The following DCAF7 variants were observed in gnomAD, a reference collection of about 807,000 sequenced individuals.
DCAF7 encodes the protein DDB1- and CUL4-associated factor 7.
Under a neutral mutation model 41.2 loss-of-function variants are expected in DCAF7, and 4 were observed. That is an observed-to-expected ratio of 0.10 (90% CI 0.05 to 0.22). The LOEUF (loss-of-function observed/expected upper bound fraction) is 0.22. Ranked by LOEUF, DCAF7 falls within the 10% of genes least tolerant of loss-of-function variation. The pLI is 1.00. For synonymous variants in DCAF7, 143 were observed against 164.2 expected (o/e 0.87, Z 0.99); for missense variants, 131 against 443.2 (o/e 0.30, Z 6.32).
Position 63,589,413 on chromosome 17 carries a change from C to A in DCAF7, c.*241C>A. 1.7e-6 allele frequency: 1 copy of A among 584,426 alleles called. No individual in the cohort carries two copies. Among genetic ancestry groups the A allele is most frequent in the South Asian group, 1.7e-5 (1 of 59,090 alleles). The allele number at this position is 584,426 out of a possible 1,614,324, so 36.2% of individuals were successfully genotyped here. ...GAGTTTTAAGATTTTCTCTCCTTTC[C>A]TCTTCTCCTTTGGTTCCTCAATTAA... On this transcript the variant is annotated 3_prime_UTR_variant, in exon 7 of 7. Transcript: ENST00000614556.
chr17:63,554,340 T>C lies in DCAF7; in HGVS notation c.138+3525T>C, dbSNP rs118080581. 2.0e-3 allele frequency among the ~76,000 whole-genome samples: 298 copies of C among 152,386 alleles called. 3 individuals carry two copies. The East Asian group carries it at 0.04, about 21-fold the overall frequency. ...GTGAGAATCCTGAGGGAGCTGCACA[T>C]TCCTGGGCTCCACCCCTGAAGTTAA... On this transcript the variant is annotated intron_variant, in intron 1 of 6. Coordinates refer to ENST00000614556, the MANE Select transcript of DCAF7 (RefSeq NM_005828.5).
chr17:63,559,944 C>G (rs1169708670), intron 1 of DCAF7, among the ~76,000 whole-genome samples: 1 of 151,962 alleles, frequency 6.6e-6, no homozygotes, highest in Non-Finnish European at 1.5e-5. Context: ...GTAACAAAAC[C>G]AAAGTCAAAA....
intron 1 of DCAF7, among the ~76,000 whole-genome samples, chr17:63,559,304 C>CATAT (rs368862458): frequency 7.9e-4 from 92 of 117,050 alleles, no homozygotes; most frequent in African/African-American, 2.6e-3. Context: ...GTGTGAGACC[C>CATAT]ATATATATAT....
intron 1 of DCAF7, among the ~76,000 whole-genome samples, chr17:63,562,886 C>T (rs2147763410): frequency 6.6e-6 from 1 of 151,298 alleles, no homozygotes; most frequent in South Asian, 2.1e-4. Flanking sequence ...TACAGTGGCA[C>T]AATTCACAGC....
In DCAF7 at chr17:63,592,749, A is replaced by G. The variant is rs1020075049; in HGVS notation, c.*3577A>G. On this transcript the variant is annotated 3_prime_UTR_variant, in exon 7 of 7. Transcript: ENST00000614556. ...GATGCTAGGTAACTGTGGGAACAAA[A>G]TGACAGCTTAGAGCAGCCATGGGTG... 6.6e-6 allele frequency: 1 copy of G among 152,252 alleles called. No homozygotes were observed. Among genetic ancestry groups the G allele is most frequent in the Admixed American group, 6.5e-5 (1 of 15,280 alleles). The allele number at this position is 152,252 out of a possible 1,614,324, so 9.4% of individuals were successfully genotyped here. A position where few individuals can be genotyped will look rare whatever the true frequency, so the allele number is the denominator to read the frequency against.
chr17:63,561,847 T>TTGGAAAAAAAATGCTACATA, intron 1 of DCAF7, among the ~76,000 whole-genome samples: 1 of 151,986 alleles, frequency 6.6e-6, no homozygotes, highest in Middle Eastern at 3.4e-3. Flanking sequence ...AATCAACTGA[T>TTGGAAAAAAAATGCTACATA]TGGAAAAAAA....
Position 63,574,165 on chromosome 17 carries a change from C to T in DCAF7, c.139-4305C>T, listed in dbSNP as rs760787688. 5.3e-5 allele frequency among the ~76,000 whole-genome samples: 8 copies of T among 152,310 alleles called. No homozygotes were observed. In the South Asian group the frequency reaches 6.2e-4, roughly 12 times the overall value. On this transcript the variant is annotated intron_variant, in intron 1 of 6. Transcript: ENST00000614556. ...ATGTGTGACCCTTCTGTTCTACCTACCTGGGATGCCCTTCCCTTTCCTATT... is the reference window on the plus strand; with the variant it reads ...ATGTGTGACCCTTCTGTTCTACCTATCTGGGATGCCCTTCCCTTTCCTATT...
intron 3 of DCAF7, 71 bp downstream of exon 3, chr17:63,579,519 G>A (rs886772992): frequency 2.6e-6 from 3 of 1,136,838 alleles, no homozygotes; most frequent in Non-Finnish European, 3.9e-6. Context: ...GTCACACTGG[G>A]CCATACATCC....
intron 1 of DCAF7, among the ~76,000 whole-genome samples, chr17:63,559,314 T>C (rs1026043181): frequency 5.5e-5 from 5 of 90,478 alleles, no homozygotes; most frequent in African/African-American, 5.9e-5. Context: ...CATATATATA[T>C]ATATATGTAT....
chr17:63,550,633 G>A lies in DCAF7; in HGVS notation c.-45G>A. 1 of 1,598,048 alleles carries A rather than the reference G, an allele frequency of 6.3e-7. No individual in the cohort carries two copies. Among genetic ancestry groups the A allele is most frequent in the Non-Finnish European group, 8.5e-7 (1 of 1,170,114 alleles). On this transcript the variant is annotated 5_prime_UTR_variant, in exon 1 of 7. Coordinates refer to ENST00000614556, the MANE Select transcript of DCAF7 (RefSeq NM_005828.5). The surrounding 1 kb of genome is among the most constrained non-coding windows in gnomAD (Gnocchi z 4.8). ...TCTCAGGCTCGGCTCCCCGCCCGCC[G>A]CAGCCCACTGTTGACCCGGCCCGTA...
chr17:63,556,594 C>T lies in DCAF7; in HGVS notation c.138+5779C>T, dbSNP rs145991705. On this transcript the variant is annotated intron_variant, in intron 1 of 6. Transcript: ENST00000614556. ...AAAGAAAAAATAAATCAGGGCCGGG[C>T]GCAGTGGCTCATGCCTGTAATCCCA... 4.8e-4 allele frequency among the ~76,000 whole-genome samples: 72 copies of T among 150,756 alleles called. 1 individual carries two copies. Among genetic ancestry groups the T allele is most frequent in the Admixed American group, 2.5e-3 (38 of 15,128 alleles).
intron 1 of DCAF7, among the ~76,000 whole-genome samples, chr17:63,571,997 C>T (rs551177152): frequency 6.6e-6 from 1 of 152,020 alleles, no homozygotes; most frequent in Non-Finnish European, 1.5e-5. Flanking sequence ...AAGGCATTTA[C>T]TAAGTGAAAT....
At chr17:63,571,507 G>T (rs1196748254) in intron 1 of DCAF7, among the ~76,000 whole-genome samples, 1 of 151,994 alleles carries the variant, frequency 6.6e-6, no homozygotes, top group Non-Finnish European at 1.5e-5. Flanking sequence ...TATGTGGTGG[G>T]ATTTTAATTT....
At position 63,591,615 on chromosome 17, in the gene DCAF7, C is replaced by T. The variant is rs945783394; in HGVS notation, c.*2443C>T. On this transcript the variant is annotated 3_prime_UTR_variant, in exon 7 of 7. Coordinates refer to ENST00000614556, the MANE Select transcript of DCAF7 (RefSeq NM_005828.5). ...TTACCCTCCCTTTACTCCACCAGCC[C>T]GACGACCCATGACTGAGGAGGGGAT... 1.3e-5 allele frequency: 2 copies of T among 152,212 alleles called. No individual in the cohort carries two copies. The highest frequency in any genetic ancestry group is 2.1e-4 in the South Asian group (1 of 4,828). 9.4% of individuals were successfully genotyped at this position (152,212 alleles called of 1,614,324 possible).
chr17:63,550,655 C>T lies in DCAF7; in HGVS notation c.-23C>T, dbSNP rs1315638105. On this transcript the variant is annotated 5_prime_UTR_variant, in exon 1 of 7. Transcript: ENST00000614556. This position sits in a 1 kb window ranked among gnomAD's most constrained non-coding sequence, Gnocchi z 4.8. ...GCCGCAGCCCACTGTTGACCCGGCC[C>T]GTACTGCGGCCCCGTGGCCACCATG... 1.1e-5 allele frequency: 18 copies of T among 1,612,190 alleles called. No homozygotes were observed. Among genetic ancestry groups the T allele is most frequent in the Non-Finnish European group, 1.4e-5 (16 of 1,179,396 alleles).
At chr17:63,585,144 A>G in intron 5 of DCAF7, 67 bp from the exon 6 acceptor site, 1 of 1,283,712 alleles carries the variant, frequency 7.8e-7, no homozygotes, top group South Asian at 1.3e-5. Context: ...TTGCATGTGG[A>G]TAGTATTTTT....
intron 4 of DCAF7, 65 bp from the exon 5 acceptor site, chr17:63,583,437 T>C: frequency 6.9e-7 from 1 of 1,444,074 alleles, no homozygotes; most frequent in South Asian, 1.2e-5. Context: ...CGTGGCAGAT[T>C]TCCCTCCTAT....
rs771961083 is a variant in DCAF7 at position 63,589,012 on chromosome 17, A to G, written c.869A>G (p.Gln290Arg). ...TCTTTGTCCCTAGCGGATGACCACC[A>G]GGCTCTCATCTGGGACATCCAGCAA... Reference protein sequence around the residue: ...CHICTAADDHQALIWDIQQMP... With the variant: ...CHICTAADDHRALIWDIQQMP... The change falls in exon 7 of 7, where the codon CAG (glutamine) becomes CGG (arginine). Residue 290 changes from glutamine (Q) to arginine (R), a missense_variant. By Grantham distance (43) the Gln-to-Arg change is conservative. Coordinates refer to ENST00000614556, the MANE Select transcript of DCAF7 (RefSeq NM_005828.5). The G allele has an allele frequency of 6.2e-7, 1 of 1,611,952 alleles. No homozygotes were observed. The highest frequency in any genetic ancestry group is 8.5e-7 in the Non-Finnish European group (1 of 1,178,652).
intron 1 of DCAF7, among the ~76,000 whole-genome samples, chr17:63,575,170 T>G (rs1449084195): frequency 6.6e-6 from 1 of 151,240 alleles, no homozygotes; most frequent in Non-Finnish European, 1.5e-5. Context: ...ATACAAAAAA[T>G]AAAAATTAAA....
Sources: allele counts gnomAD v4.1 joint callset (sites outside exome capture counted in the v4.1 genomes callset), GRCh38; gene constraint gnomAD v4.1.1; non-coding constraint Gnocchi (gnomAD v3.1); transcripts MANE v1.5; gene names NCBI Gene and HGNC (gene_info 2026-07-23, HGNC 2026-07-21).